The following ATG10 variants were observed in gnomAD, a reference collection of about 807,000 sequenced individuals.
The protein encoded by ATG10 is autophagy related 10.
A neutral mutation model predicts 32.1 loss-of-function variants in ATG10; 30 were observed. The ratio of observed to expected loss-of-function variants is 0.94; its 90% CI spans 0.70 to 1.27. The LOEUF (loss-of-function observed/expected upper bound fraction) is 1.27. Among genes scored for constraint, ATG10 ranks in the 50% most tolerant of loss-of-function variants. The pLI is 0.00. For missense variants in ATG10, 233 were observed against 262.3 expected (o/e 0.89, Z 0.77); for synonymous variants, 87 against 91.5 (o/e 0.95, Z 0.28).
At chr5:81,996,910 C>T (rs1761681765) in intron 2 of ATG10, among the ~76,000 whole-genome samples, 1 of 152,154 alleles carries the variant, frequency 6.6e-6, no homozygotes, top group Non-Finnish European at 1.5e-5. Context: ...TAGCAGAGTA[C>T]CTGATATACA....
intron 2 of ATG10, among the ~76,000 whole-genome samples, chr5:82,038,109 T>A (rs1364878421): frequency 6.6e-6 from 1 of 152,182 alleles, no homozygotes; most frequent in Non-Finnish European, 1.5e-5. Flanking sequence ...GAGCCTGAGA[T>A]AAAGGTTAGT....
At chr5:82,073,107 T>A (rs1374565152) in intron 3 of ATG10, 1 of 152,170 alleles carries the variant, frequency 6.6e-6, no homozygotes, top group Admixed American at 6.6e-5. Flanking sequence ...TGTGAGAGCA[T>A]CCACTGAACC....
intron 2 of ATG10, among the ~76,000 whole-genome samples, chr5:82,049,255 G>A (rs558886106): frequency 6.6e-6 from 1 of 151,922 alleles, no homozygotes; most frequent in African/African-American, 2.4e-5. Flanking sequence ...GTAGGGACGC[G>A]GATGAAATTG....
intron 2 of ATG10, among the ~76,000 whole-genome samples, chr5:82,043,801 C>T (rs987041294): frequency 1.3e-5 from 2 of 152,176 alleles, no homozygotes; most frequent in African/African-American, 2.4e-5. Flanking sequence ...GTAAGTACCT[C>T]ATCTCCAGCT....
At chr5:82,217,897 A>AC (rs1033112246) in intron 5 of ATG10, among the ~76,000 whole-genome samples, 4 of 151,458 alleles carry the variant, frequency 2.6e-5, no homozygotes, top group Non-Finnish European at 5.9e-5. Context: ...GGCTCGCTTG[A>AC]CCCCAGGAGG....
intron 5 of ATG10, among the ~76,000 whole-genome samples, chr5:82,219,937 C>T (rs1561363887): frequency 6.6e-6 from 1 of 152,160 alleles, no homozygotes; most frequent in African/African-American, 2.4e-5. Flanking sequence ...TCCTTGCCCT[C>T]AAAGAACTTA....
chr5:82,099,943 A>AT (rs11415494), intron 3 of ATG10, among the ~76,000 whole-genome samples: 27,620 of 129,736 alleles, frequency 0.21, 3,027 homozygotes, highest in Middle Eastern at 0.35. Context: ...GTACTAATAG[A>AT]TTTTTTTTTC....
chr5:82,200,120 A>G lies in ATG10; in HGVS notation c.453+21533A>G, dbSNP rs536308093. ...CACTCATTTGTAGGGTTTTTGGTTG[A>G]CGTAAGTTTTCATTTCTCTTGGATA... On this transcript the variant is annotated intron_variant, in intron 5 of 7. Coordinates refer to ENST00000282185, the MANE Select transcript of ATG10 (RefSeq NM_031482.5). 7.9e-5 allele frequency among the ~76,000 whole-genome samples: 12 copies of G among 152,236 alleles called. No homozygotes were observed. The South Asian group carries it at 2.5e-3, about 32-fold the overall frequency.
intron 1 of ATG10, among the ~76,000 whole-genome samples, chr5:81,984,612 T>G (rs1329698279): frequency 6.6e-6 from 1 of 152,250 alleles, no homozygotes; most frequent in Non-Finnish European, 1.5e-5. Flanking sequence ...AAATAAGGAT[T>G]ATTCTTGCCA....
At chr5:82,154,693 G>A (rs1424513113) in intron 3 of ATG10, among the ~76,000 whole-genome samples, 2 of 152,146 alleles carry the variant, frequency 1.3e-5, no homozygotes, top group Admixed American at 6.5e-5. Flanking sequence ...GCTTAATGTT[G>A]CTCTCATTAC....
chr5:82,051,736 C>A (rs1344360234), intron 2 of ATG10, among the ~76,000 whole-genome samples: 1 of 152,026 alleles, frequency 6.6e-6, no homozygotes, highest in African/African-American at 2.4e-5. Flanking sequence ...GGGGAGGAGT[C>A]GTATTAACAC....
At chr5:82,100,428 G>T (rs1324438888) in intron 3 of ATG10, among the ~76,000 whole-genome samples, 1 of 152,138 alleles carries the variant, frequency 6.6e-6, no homozygotes, top group Non-Finnish European at 1.5e-5. Flanking sequence ...CATACTGCCA[G>T]TCTCTCTCTA....
rs370637760 is a variant in ATG10, at chr5:81,999,143, C to CA, written c.108+11481dup. Among the ~76,000 whole-genome samples the CA allele has an allele frequency of 2.2e-3, 261 of 116,514 alleles. 1 individual carries two copies. Among genetic ancestry groups the CA allele is most frequent in the East Asian group, 5.3e-3 (19 of 3,606 alleles). The allele number at this position is 116,514 out of a possible 152,430, so 76.4% of individuals were successfully genotyped here. A position where few individuals can be genotyped will look rare whatever the true frequency, so the allele number is the denominator to read the frequency against. ...ACTCAGACATAAAAAAATCCTCAGC[C>CA]AAAAAAAAAAAAAAAAGCAGAAACC... On this transcript the variant is annotated intron_variant, in intron 2 of 7. Transcript: ENST00000282185.
chr5:82,177,055 G>A (rs184198706), intron 4 of ATG10, among the ~76,000 whole-genome samples: 5 of 152,258 alleles, frequency 3.3e-5, no homozygotes, highest in African/African-American at 1.2e-4. Flanking sequence ...TAACAGTCTA[G>A]AAATGAATCT....
rs367900754 is a variant in ATG10 at position 82,252,598 on chromosome 5, C to T, written c.490C>T (p.His164Tyr). The T allele has an allele frequency of 5.2e-5, 84 of 1,609,052 alleles. No homozygotes were observed. Among genetic ancestry groups the T allele is most frequent in the Non-Finnish European group, 6.7e-5 (79 of 1,177,616 alleles). ...PILGQPFFVLHPCKTNEFMTP... is the reference protein window; with the variant it reads ...PILGQPFFVLYPCKTNEFMTP... ...ACTTGGGCAACCCTTTTTTGTACTTCATCCCTGCAAGACGAATGAATTCAT... is the reference window on the plus strand; with the variant it reads ...ACTTGGGCAACCCTTTTTTGTACTTTATCCCTGCAAGACGAATGAATTCAT... Residue 164 changes from histidine to tyrosine, a missense_variant, in exon 6 of 8, where the codon CAT (histidine) becomes TAT (tyrosine). Physicochemically the swap from His to Tyr is moderately conservative, Grantham distance 83. Coordinates refer to ENST00000282185, the MANE Select transcript of ATG10 (RefSeq NM_031482.5).
intron 2 of ATG10, among the ~76,000 whole-genome samples, chr5:82,054,761 G>A (rs1181471233): frequency 6.6e-6 from 1 of 152,152 alleles, no homozygotes; most frequent in Admixed American, 6.6e-5. Context: ...AGGTTGTTAT[G>A]TGGGATGGAA....
intron 2 of ATG10, among the ~76,000 whole-genome samples, chr5:82,041,019 G>A (rs547888600): frequency 1.3e-5 from 2 of 152,292 alleles, no homozygotes; most frequent in South Asian, 2.1e-4. Flanking sequence ...AGACTTATGA[G>A]AGGGTTTTTC....
At chr5:82,167,819 C>G (rs1743641795) in intron 4 of ATG10, among the ~76,000 whole-genome samples, 1 of 152,192 alleles carries the variant, frequency 6.6e-6, no homozygotes, top group Non-Finnish European at 1.5e-5. Flanking sequence ...GCTCAGTTAC[C>G]AAGTGGGCAA....
At chr5:82,232,426 C>A (rs1746399336) in intron 5 of ATG10, among the ~76,000 whole-genome samples, 1 of 152,174 alleles carries the variant, frequency 6.6e-6, no homozygotes, top group African/African-American at 2.4e-5. Flanking sequence ...AGTCTTGGCT[C>A]AATCATTTAT....
Sources: allele counts gnomAD v4.1 joint callset (sites outside exome capture counted in the v4.1 genomes callset), GRCh38; gene constraint gnomAD v4.1.1; transcripts MANE v1.5; gene names NCBI Gene and HGNC (gene_info 2026-07-23, HGNC 2026-07-21).